The following MACROD2 variants were observed in gnomAD, a reference collection of about 807,000 sequenced individuals.
The protein encoded by MACROD2 is ADP-ribose glycohydrolase MACROD2.
MACROD2 carries 36 observed loss-of-function variants against 70.4 expected under a neutral mutation model. That is an observed-to-expected ratio of 0.51 (90% confidence interval 0.39 to 0.68). The LOEUF (loss-of-function observed/expected upper bound fraction) is 0.68, where lower values mean the gene tolerates loss of function less well. Among genes scored for constraint, MACROD2 ranks in the 30% least tolerant of loss-of-function variants. The pLI is 0.00. For missense variants in MACROD2, 496 were observed against 538.4 expected, an observed-to-expected ratio of 0.92 and a Z score of 0.78; for synonymous variants, 172 against 178.8, an observed-to-expected ratio of 0.96 and a Z score of 0.30.
chr20:15,462,910 C>G (rs1280834803), intron 7 of MACROD2, among the ~76,000 whole-genome samples: 2 of 151,960 alleles, frequency 1.3e-5, no homozygotes, highest in African/African-American at 4.8e-5. Flanking sequence ...GGTTTTTTCC[C>G]CTAATATCAA....
At chr20:14,979,080 T>C (rs2074772917) in intron 5 of MACROD2, among the ~76,000 whole-genome samples, 1 of 149,776 alleles carries the variant, frequency 6.7e-6, no homozygotes, top group Non-Finnish European at 1.5e-5. Context: ...GCCTCCTGAG[T>C]AGCTAGGACT....
intron 9 of MACROD2, among the ~76,000 whole-genome samples, chr20:15,880,247 T>G (rs538802712): frequency 6.6e-6 from 1 of 152,194 alleles, no homozygotes; most frequent in Admixed American, 6.6e-5. Flanking sequence ...CAGATCGGGT[T>G]AGTTGCAATT....
intron 5 of MACROD2, among the ~76,000 whole-genome samples, chr20:15,149,143 A>G (rs2076251077): frequency 6.6e-6 from 1 of 151,984 alleles, no homozygotes; most frequent in Non-Finnish European, 1.5e-5. Flanking sequence ...TCCTGGGTGG[A>G]GGCAAATCCT....
chr20:15,676,065 T>A (rs1185352565), intron 8 of MACROD2, among the ~76,000 whole-genome samples: 1 of 152,196 alleles, frequency 6.6e-6, no homozygotes, highest in Non-Finnish European at 1.5e-5. Context: ...TGCTTTTCAT[T>A]TTATTTCCTG....
chr20:15,762,390 T>C (rs911790881), intron 8 of MACROD2, among the ~76,000 whole-genome samples: 2 of 152,208 alleles, frequency 1.3e-5, no homozygotes, highest in Admixed American at 6.5e-5. Flanking sequence ...CTTGTGCTAC[T>C]GTTATTTCTT....
intron 3 of MACROD2, among the ~76,000 whole-genome samples, chr20:14,117,864 C>G (rs1020105892): frequency 6.6e-6 from 1 of 152,192 alleles, no homozygotes; most frequent in African/African-American, 2.4e-5. Flanking sequence ...ATTCTCCATA[C>G]TTCCCCCACC....
intron 6 of MACROD2, among the ~76,000 whole-genome samples, chr20:15,277,682 G>T (rs1421802040): frequency 6.6e-6 from 1 of 152,186 alleles, no homozygotes; most frequent in Non-Finnish European, 1.5e-5. Context: ...ACAATCAGAT[G>T]AGAAGCAGTC....
chr20:14,913,959 C>T (rs2074059567), intron 5 of MACROD2, among the ~76,000 whole-genome samples: 2 of 152,128 alleles, frequency 1.3e-5, no homozygotes, highest in African/African-American at 4.8e-5. Context: ...TAGCGCAAGG[C>T]AGCTAAGTGG....
intron 3 of MACROD2, among the ~76,000 whole-genome samples, chr20:14,408,313 A>G (rs1000095424): frequency 6.6e-6 from 1 of 152,154 alleles, no homozygotes; most frequent in African/African-American, 2.4e-5. Flanking sequence ...ACCAAAGGCT[A>G]TCCTCTTCAT....
chr20:14,456,756 A>T (rs1432069397), intron 3 of MACROD2, among the ~76,000 whole-genome samples: 1 of 118,496 alleles, frequency 8.4e-6, no homozygotes, highest in Admixed American at 1.2e-4. Flanking sequence ...TCTCTCTGTC[A>T]CCCAGGCTGG....
rs566395181 is a variant in MACROD2, at chr20:14,000,261, A to C, written c.47-2027A>C. Reference sequence around the variant, plus strand: ...CAGATTCTTGATTTCAACTTCTTCAATGTCCTATAGGTACCTTAAACTCAA... The same window carrying C: ...CAGATTCTTGATTTCAACTTCTTCACTGTCCTATAGGTACCTTAAACTCAA... On this transcript the variant is annotated intron_variant, in intron 1 of 17. Coordinates refer to ENST00000684519, the MANE Select transcript of MACROD2 (RefSeq NM_001351661.2). Among the ~76,000 whole-genome samples, 4 of 151,940 alleles carry C rather than the reference A, an allele frequency of 2.6e-5. No homozygotes were observed. The South Asian group carries it at 8.3e-4, about 32-fold the overall frequency.
At chr20:14,756,023 A>G (rs1264271917) in intron 5 of MACROD2, among the ~76,000 whole-genome samples, 1 of 152,056 alleles carries the variant, frequency 6.6e-6, no homozygotes, top group African/African-American at 2.4e-5. Context: ...ACTTTCCCTT[A>G]TCCTTGCCTC....
intron 2 of MACROD2, among the ~76,000 whole-genome samples, chr20:14,054,668 AAAG>A (rs1206424684): frequency 6.6e-6 from 1 of 152,180 alleles, no homozygotes; most frequent in Non-Finnish European, 1.5e-5. Context: ...GTGTTTCACT[AAAG>A]AAGAATGTTC....
At chr20:14,110,165 A>G (rs535499015) in intron 3 of MACROD2, among the ~76,000 whole-genome samples, 1 of 152,150 alleles carries the variant, frequency 6.6e-6, no homozygotes, top group East Asian at 1.9e-4. Flanking sequence ...AGCATTTGAT[A>G]AAATTCAATA....
chr20:14,238,291 GA>G (rs1190052944), intron 3 of MACROD2, among the ~76,000 whole-genome samples: 6 of 151,616 alleles, frequency 4.0e-5, no homozygotes, highest in African/African-American at 1.2e-4. Flanking sequence ...GAACTCAAAA[GA>G]AAAAAACACA....
At chr20:15,780,920 C>T (rs987103461) in intron 8 of MACROD2, among the ~76,000 whole-genome samples, 3 of 152,100 alleles carry the variant, frequency 2.0e-5, no homozygotes, top group Non-Finnish European at 4.4e-5. Context: ...ATGACGAGGG[C>T]ATCATCTATA....
intron 5 of MACROD2, among the ~76,000 whole-genome samples, chr20:14,811,444 G>A (rs1284226283): frequency 2.0e-5 from 3 of 152,022 alleles, no homozygotes; most frequent in Admixed American, 1.3e-4. Flanking sequence ...ACTCAAGATG[G>A]ATTAAAGATT....
chr20:14,430,230 T>A (rs1399341809), intron 3 of MACROD2, among the ~76,000 whole-genome samples: 3 of 152,158 alleles, frequency 2.0e-5, no homozygotes, highest in African/African-American at 7.2e-5. Context: ...TTGGGGCTTT[T>A]CTTCAGGCAT....
intron 5 of MACROD2, among the ~76,000 whole-genome samples, chr20:14,703,752 A>T (rs1359740156): frequency 3.9e-5 from 6 of 152,044 alleles, no homozygotes; most frequent in Admixed American, 6.6e-5. Context: ...TTTCAGACGA[A>T]GTCTGGCTCT....
Sources: allele counts gnomAD v4.1 joint callset (sites outside exome capture counted in the v4.1 genomes callset), GRCh38; gene constraint gnomAD v4.1.1; transcripts MANE v1.5; gene names NCBI Gene and HGNC (gene_info 2026-07-23, HGNC 2026-07-21).